Variants in TNFRSF19 observed in about 807,000 individuals in gnomAD.
TNFRSF19 encodes the protein TNF receptor superfamily member 19, also known as tumor necrosis factor receptor superfamily member 19.
TNFRSF19 carries 27 observed loss-of-function variants against 46.4 expected under a neutral mutation model. The observed-to-expected ratio is 0.58, with a 90% CI of 0.43 to 0.80. The LOEUF is 0.80. Among genes scored for constraint, TNFRSF19 ranks in the 30% least tolerant of loss-of-function variants. The pLI, the probability that TNFRSF19 is intolerant of heterozygous loss-of-function variation, is 0.00. For missense variants in TNFRSF19, 511 were observed against 530.8 expected, an observed-to-expected ratio of 0.96 and a Z score of 0.37; for synonymous variants, 204 against 205.0, an observed-to-expected ratio of 1.00 and a Z score of 0.04.
intron 8 of TNFRSF19, among the ~76,000 whole-genome samples, chr13:23,668,454 C>A (rs1309712137): frequency 6.6e-6 from 1 of 152,178 alleles, no homozygotes; most frequent in African/African-American, 2.4e-5. Flanking sequence ...ATGTTTTAGA[C>A]ATTGGATTAA....
intron 3 of TNFRSF19, among the ~76,000 whole-genome samples, chr13:23,611,159 C>T (rs973114856): frequency 3.8e-4 from 58 of 151,706 alleles, no homozygotes; most frequent in Non-Finnish European, 6.8e-4. Context: ...CACTCCTTCT[C>T]TTGCCATGAT....
In TNFRSF19 at chr13:23,659,036, T is replaced by A. The variant is rs201043082; in HGVS notation, c.446-14T>A. 1.5e-4 allele frequency: 235 copies of A among 1,612,822 alleles called. No individual in the cohort carries two copies. The highest frequency in any genetic ancestry group is 7.5e-4 in the Middle Eastern group (4 of 5,356). ...GTTGTTCAGAGCATGCTGACCCCATTCCTGTGGTTTCAGGTGCCAGCAAGG... is the reference window on the plus strand; with the variant it reads ...GTTGTTCAGAGCATGCTGACCCCATACCTGTGGTTTCAGGTGCCAGCAAGG... On this transcript the variant is annotated splice_polypyrimidine_tract_variant and intron_variant, in intron 5 of 9. Coordinates refer to ENST00000248484, the MANE Select transcript of TNFRSF19 (RefSeq NM_148957.4). The surrounding 1 kb of genome is among the most constrained non-coding windows in gnomAD (Gnocchi z 4.9).
chr13:23,623,197 TC>T (rs372623456), intron 4 of TNFRSF19, among the ~76,000 whole-genome samples: 12 of 152,306 alleles, frequency 7.9e-5, no homozygotes, highest in Middle Eastern at 3.4e-3. Context: ...GTAATTGGAG[TC>T]ATTCAGTATC....
chr13:23,660,737 G>A (rs1884312322), intron 7 of TNFRSF19, among the ~76,000 whole-genome samples: 1 of 152,136 alleles, frequency 6.6e-6, no homozygotes, highest in African/African-American at 2.4e-5. Flanking sequence ...TTTGGGTCAT[G>A]TTTGTCTTTC....
At chr13:23,671,133 A>G (rs1210789305) in intron 9 of TNFRSF19, among the ~76,000 whole-genome samples, 1 of 152,184 alleles carries the variant, frequency 6.6e-6, no homozygotes, top group East Asian at 1.9e-4. Context: ...TATTTTAGAA[A>G]CATGTTTTAG....
chr13:23,647,068 C>T (rs1883374355), intron 5 of TNFRSF19, among the ~76,000 whole-genome samples: 1 of 152,132 alleles, frequency 6.6e-6, no homozygotes, highest in Non-Finnish European at 1.5e-5. Flanking sequence ...GCTAATTGGC[C>T]ATTAGTATGT....
chr13:23,627,004 A>C (rs556940808), intron 5 of TNFRSF19, among the ~76,000 whole-genome samples: 16 of 152,284 alleles, frequency 1.1e-4, no homozygotes, highest in African/African-American at 3.6e-4. Flanking sequence ...TTTGAATCTC[A>C]GAGTGGAGTG....
Position 23,668,784 on chromosome 13 carries a change from T to G in TNFRSF19, c.932T>G (p.Met311Arg), listed in dbSNP as rs1951698829. The change falls in exon 9 of 10, where the codon ATG (methionine) becomes AGG (arginine). Residue 311 changes from methionine (M) to arginine (R), a missense_variant. Transcript: ENST00000248484. ...GAGTTTTCAGATGCCTGGCCTCTGA[T>G]GCAGAATCCCATGGGTGGTGACAAC... ...CGEFSDAWPL[M>R]QNPMGGDNIS... 6.2e-7 allele frequency: 1 copy of G among 1,614,162 alleles called. No homozygotes were observed. Among genetic ancestry groups the G allele is most frequent in the Non-Finnish European group, 8.5e-7 (1 of 1,180,056 alleles).
intron 3 of TNFRSF19, among the ~76,000 whole-genome samples, chr13:23,601,000 A>G (rs2138210436): frequency 6.6e-6 from 1 of 152,372 alleles, no homozygotes; most frequent in East Asian, 1.9e-4. Context: ...ATCAAGAACA[A>G]CTATGATTAA....
chr13:23,588,357 C>A (rs1878995860), intron 1 of TNFRSF19, among the ~76,000 whole-genome samples: 2 of 152,174 alleles, frequency 1.3e-5, no homozygotes, highest in Non-Finnish European at 2.9e-5. Flanking sequence ...CCTCACAATG[C>A]CCCTGTGAGA....
chr13:23,635,656 G>A (rs571877163), intron 5 of TNFRSF19, among the ~76,000 whole-genome samples: 3 of 152,284 alleles, frequency 2.0e-5, no homozygotes, highest in East Asian at 3.9e-4. Context: ...TGGGATTACA[G>A]GTGTGAGCCA....
intron 5 of TNFRSF19, among the ~76,000 whole-genome samples, chr13:23,642,729 C>T (rs1049338369): frequency 6.6e-6 from 1 of 152,210 alleles, no homozygotes; most frequent in African/African-American, 2.4e-5. Context: ...GAAATTTAAA[C>T]TATGATCCCT....
At chr13:23,593,561 G>T in intron 3 of TNFRSF19, 106 bp downstream of exon 3, 4 of 769,752 alleles carry the variant, frequency 5.2e-6, no homozygotes, top group Non-Finnish European at 8.6e-6. Context: ...TACCATGACA[G>T]AATTATTGGA....
In TNFRSF19 at chr13:23,659,096, C is replaced by T; in HGVS notation, c.492C>T (p.Ser164=). 1 of 1,613,948 alleles carries T rather than the reference C, an allele frequency of 6.2e-7. No homozygotes were observed. Among genetic ancestry groups the T allele is most frequent in the Non-Finnish European group, 8.5e-7 (1 of 1,180,024 alleles). Residue 164 remains serine (S), a synonymous_variant, in exon 6 of 10, where the codon AGC becomes AGT. Coordinates refer to ENST00000248484, the MANE Select transcript of TNFRSF19 (RefSeq NM_148957.4). The surrounding 1 kb of genome is among the most constrained non-coding windows in gnomAD (Gnocchi z 4.9). ...NLVKIASTAS[S]PRDTALAAVI... ...TGAAGATCGCGTCCACGGCCTCCAG[C>T]CCACGGGACACGGCGCTGGCTGCCG... is the stretch of plus-strand genomic sequence containing the variant.
chr13:23,624,025 A>G (rs1248721518), intron 4 of TNFRSF19, among the ~76,000 whole-genome samples: 1 of 152,198 alleles, frequency 6.6e-6, no homozygotes, highest in Non-Finnish European at 1.5e-5. Flanking sequence ...AATCATTGCC[A>G]TAACTAATGT....
At chr13:23,607,380 C>T (rs1160277362) in intron 3 of TNFRSF19, among the ~76,000 whole-genome samples, 1 of 151,944 alleles carries the variant, frequency 6.6e-6, no homozygotes, top group Non-Finnish European at 1.5e-5. Flanking sequence ...TTGTGGTGAG[C>T]CGAGATTGCA....
At chr13:23,588,557 A>T (rs1304695876) in intron 1 of TNFRSF19, among the ~76,000 whole-genome samples, 1 of 152,166 alleles carries the variant, frequency 6.6e-6, no homozygotes, top group Non-Finnish European at 1.5e-5. Context: ...TTTTGTGTAA[A>T]TGCTTTGGCA....
At chr13:23,627,631 G>A (rs1325690125) in intron 5 of TNFRSF19, among the ~76,000 whole-genome samples, 2 of 152,194 alleles carry the variant, frequency 1.3e-5, no homozygotes, top group African/African-American at 4.8e-5. Flanking sequence ...AGGGGAGAGC[G>A]AAGGGCAGGA....
chr13:23,664,523 G>A (rs76769953), intron 7 of TNFRSF19, among the ~76,000 whole-genome samples: 9 of 152,060 alleles, frequency 5.9e-5, no homozygotes, highest in South Asian at 4.1e-4. Flanking sequence ...CAGTTCCCCC[G>A]TCCTCTTACT....
Sources: gnomAD v4.1 joint callset for allele counts (sites outside exome capture counted in the v4.1 genomes callset) on GRCh38, gnomAD v4.1.1 for gene constraint, Gnocchi (gnomAD v3.1) non-coding constraint, MANE v1.5 for transcripts, NCBI Gene and HGNC (gene_info 2026-07-23, HGNC 2026-07-21) for gene names.